The following HTR3C variants were observed in gnomAD, a reference collection of about 807,000 sequenced individuals.
The protein encoded by HTR3C is 5-hydroxytryptamine receptor 3C, also known as 5-HT3-C.
A neutral mutation model predicts 40.5 loss-of-function variants in HTR3C; 32 were observed. The ratio of observed to expected loss-of-function variants is 0.79; its 90% confidence interval spans 0.60 to 1.06. The LOEUF (loss-of-function observed/expected upper bound fraction) is 1.06, where lower values mean the gene tolerates loss of function less well. Ranked by LOEUF, HTR3C falls within the 50% of genes least tolerant of loss-of-function variation. The probability of loss-of-function intolerance (pLI) is 0.00; values close to 1 mark genes in which losing one functional copy is unlikely to be tolerated. For missense variants in HTR3C, 523 were observed against 556.8 expected (o/e 0.94, Z 0.61); for synonymous variants, 209 against 217.1 (o/e 0.96, Z 0.33).
chr3:184,054,430 A>G (rs1243769599), intron 1 of HTR3C, among the ~76,000 whole-genome samples: 2 of 152,192 alleles, frequency 1.3e-5, no homozygotes, highest in Non-Finnish European at 2.9e-5. Flanking sequence ...GACTCCTGGA[A>G]GTAGCTGCCA....
intron 3 of HTR3C, 24 bp from the exon 4 acceptor site, chr3:184,056,153 C>G: frequency 6.8e-7 from 1 of 1,475,060 alleles, no homozygotes; most frequent in South Asian, 1.1e-5. Context: ...TCACTCACCT[C>G]TGTCCCTCAC....
rs1386005666 is a variant in HTR3C, at chr3:184,056,078, G to A, written c.280-99G>A. The stretch of plus-strand genomic sequence containing the variant: ...GTGGTTATTAGGGTCACAAATGGGA[G>A]TGGGAGGATCAAGGTTTAAAGAAGA... On this transcript the variant is annotated intron_variant, in intron 3 of 8. Transcript: ENST00000318351. 6.7e-6 allele frequency: 5 copies of A among 746,432 alleles called. No individual in the cohort carries two copies. The Admixed American group carries it at 1.0e-4, about 15-fold the overall frequency. The allele number at this position is 746,432 out of a possible 1,614,324, so 46.2% of individuals were successfully genotyped here. A position where few individuals can be genotyped will look rare whatever the true frequency, so the allele number is the denominator to read the frequency against.
At position 184,055,884 on chromosome 3, in the gene HTR3C, C is replaced by CAAAAAAAAAAAAAAAAA. The variant is rs71185686; in HGVS notation, c.280-280_280-264dup. ...TCTTAGGAAGGTTGAAATAGCAACT[C>CAAAAAAAAAAAAAAAAA]AAAAAAAAAAAAAAAAAAAAAAAAA... On this transcript the variant is annotated intron_variant, in intron 3 of 8. Coordinates refer to ENST00000318351, the MANE Select transcript of HTR3C (RefSeq NM_130770.3). Among the ~76,000 whole-genome samples, 28 of 30,708 alleles carry CAAAAAAAAAAAAAAAAA rather than the reference C, an allele frequency of 9.1e-4. 9 individuals are homozygous for CAAAAAAAAAAAAAAAAA. Among genetic ancestry groups the CAAAAAAAAAAAAAAAAA allele is most frequent in the Non-Finnish European group, 1.1e-3 (19 of 17,974 alleles). The allele number at this position is 30,708 out of a possible 152,430, so 20.1% of individuals were successfully genotyped here.
intron 5 of HTR3C, 102 bp downstream of exon 5, chr3:184,057,146 G>A (rs879281335): frequency 1.6e-5 from 13 of 810,654 alleles, no homozygotes; most frequent in South Asian, 4.7e-5. Flanking sequence ...GCTCCACTCC[G>A]GTGGCCTAAC....
At chr3:184,057,367 G>A (rs988001830) in intron 5 of HTR3C, among the ~76,000 whole-genome samples, 1 of 152,174 alleles carries the variant, frequency 6.6e-6, no homozygotes, top group Non-Finnish European at 1.5e-5. Flanking sequence ...TTGAGCCAGA[G>A]AGGCTGAGGC....
rs769399057 is a variant in HTR3C, at chr3:184,058,412, C to A, written c.560-15C>A. 1.9e-6 allele frequency: 3 copies of A among 1,587,670 alleles called. No individual in the cohort carries two copies. The highest frequency in any genetic ancestry group is 1.4e-5 in the African/African-American group (1 of 73,134). On this transcript the variant is annotated splice_polypyrimidine_tract_variant and intron_variant, in intron 5 of 8. Transcript: ENST00000318351. ...GGGAAAACGTCTGCAATGAACTGAC[C>A]GGCCTCCCTTCCAGTGGACAGCATG...
chr3:184,059,988 C>G lies in HTR3C; in HGVS notation c.1086C>G (p.Pro362=), dbSNP rs575185101. 1 of 1,613,852 alleles carries G rather than the reference C, an allele frequency of 6.2e-7. No homozygotes were observed. Among genetic ancestry groups the G allele is most frequent in the Admixed American group, 1.7e-5 (1 of 60,018 alleles). ...LHCTSPGRCC[P]TAPQKGNKGL... Reference sequence around the variant, plus strand: ...GCACCAGCCCAGGGAGATGCTGTCCCACTGCGCCCCAGAAGGGAAATAAGG... The same window carrying G: ...GCACCAGCCCAGGGAGATGCTGTCCGACTGCGCCCCAGAAGGGAAATAAGG... Residue 362 remains proline, a synonymous_variant, in exon 8 of 9, where the codon CCC becomes CCG. Transcript: ENST00000318351.
chr3:184,060,242 A>G lies in HTR3C; in HGVS notation c.1234A>G (p.Met412Val), dbSNP rs773471339. 4 of 1,614,084 alleles carry G rather than the reference A, an allele frequency of 2.5e-6. No individual in the cohort carries two copies. Among genetic ancestry groups the G allele is most frequent in the Admixed American group, 1.7e-5 (1 of 59,994 alleles). The change falls in exon 9 of 9, where the codon ATG becomes GTG. Residue 412 changes from methionine (M) to valine (V), a missense_variant. By Grantham distance (21) the Met-to-Val change is conservative (BLOSUM62 1). Transcript: ENST00000318351. ...CTCAGGATGGACAAAGACCCAGCTA[A>G]TGGAGCTGTGGGTGCAGTTCAGCCA... ...GGSGWTKTQL[M>V]ELWVQFSHAM...
intron 3 of HTR3C, among the ~76,000 whole-genome samples, chr3:184,055,935 T>C (rs1044569472): frequency 7.7e-6 from 1 of 130,576 alleles, no homozygotes; most frequent in Non-Finnish European, 1.6e-5. Flanking sequence ...GGCCAATATA[T>C]TGGTGTGGTC....
intron 3 of HTR3C, among the ~76,000 whole-genome samples, chr3:184,055,812 T>C (rs57213098): frequency 2.3e-5 from 3 of 133,236 alleles, no homozygotes; most frequent in Non-Finnish European, 4.6e-5. Flanking sequence ...AAAAAATAAC[T>C]CCATGTAGAA....
At position 184,059,612 on chromosome 3, in the gene HTR3C, G is replaced by A; in HGVS notation, c.897G>A (p.Leu299=). Residue 299 remains leucine, a synonymous_variant, in exon 7 of 9, where the codon TTG becomes TTA. Transcript: ENST00000318351. The part of the protein sequence containing the change: ...YNVFLLMMND[L]LPASGTPLIS... ...TCTTCCTGCTCATGATGAATGACTT[G>A]CTCCCTGCCAGTGGCACCCCCCTCA... 1 of 1,614,058 alleles carries A rather than the reference G, an allele frequency of 6.2e-7. No homozygotes were observed. Among genetic ancestry groups the A allele is most frequent in the Non-Finnish European group, 8.5e-7 (1 of 1,180,012 alleles).
chr3:184,058,650 T>C, intron 6 of HTR3C, 63 bp downstream of exon 6: 2 of 1,551,692 alleles, frequency 1.3e-6, no homozygotes, highest in Non-Finnish European at 1.7e-6. Flanking sequence ...CCTCTTGACC[T>C]ATGGCTCTTT....
Position 184,057,002 on chromosome 3 carries a change from C to T in HTR3C, c.517C>T (p.Gln173Ter), listed in dbSNP as rs1723341577. 5 of 1,613,532 alleles carry T rather than the reference C, an allele frequency of 3.1e-6. No homozygotes were observed. In the East Asian group the frequency reaches 8.9e-5, roughly 29 times the overall value. Residue 173 changes from glutamine (Q) to a stop codon, truncating the protein, a stop_gained, in exon 5 of 9, where the codon CAA becomes TAA. Transcript: ENST00000318351. LOFTEE classifies it high-confidence loss of function. ...GGACATCTTCTACTTCCCTTTTGAC[C>T]AACAGAACTGTACCTTCACCTTCAG... is the stretch of plus-strand genomic sequence containing the variant. ...NLDIFYFPFDQQNCTFTFSSF... is the reference protein window; with the variant it reads ...NLDIFYFPFD
In HTR3C at chr3:184,056,868, C is replaced by T. The variant is rs1401675246; in HGVS notation, c.390-7C>T. On this transcript the variant is annotated splice_region_variant and splice_polypyrimidine_tract_variant and intron_variant, in intron 4 of 8. Coordinates refer to ENST00000318351, the MANE Select transcript of HTR3C (RefSeq NM_130770.3). ...GCCTCCATCTCTTCCCTCCCTTCCCCAAACAGCATGGATGTGGATCAGACG... is the reference window on the plus strand; with the variant it reads ...GCCTCCATCTCTTCCCTCCCTTCCCTAAACAGCATGGATGTGGATCAGACG... The T allele has an allele frequency of 6.3e-7, 1 of 1,589,760 alleles. No homozygotes were observed. Among genetic ancestry groups the T allele is most frequent in the Non-Finnish European group, 8.6e-7 (1 of 1,163,506 alleles).
chr3:184,060,594 C>T lies in HTR3C; in HGVS notation c.*242C>T. ...AGTCTCCCTGAGCTACCACCTAACTCCTCACTCCCTGATCAATGGAAGTCC... is the reference window on the plus strand; with the variant it reads ...AGTCTCCCTGAGCTACCACCTAACTTCTCACTCCCTGATCAATGGAAGTCC... On this transcript the variant is annotated 3_prime_UTR_variant, in exon 9 of 9. Coordinates refer to ENST00000318351, the MANE Select transcript of HTR3C (RefSeq NM_130770.3). 1.8e-6 allele frequency: 1 copy of T among 569,600 alleles called. No homozygotes were observed. The highest frequency in any genetic ancestry group is 3.1e-6 in the Non-Finnish European group (1 of 318,670). The allele number at this position is 569,600 out of a possible 1,614,324, so 35.3% of individuals were successfully genotyped here.
chr3:184,059,598 A>G lies in HTR3C; in HGVS notation c.883A>G (p.Met295Val), dbSNP rs1328367469. Residue 295 changes from methionine (M) to valine (V), a missense_variant, in exon 7 of 9, where the codon ATG (methionine) becomes GTG (valine). By Grantham distance (21) the Met-to-Val change is conservative. Coordinates refer to ENST00000318351, the MANE Select transcript of HTR3C (RefSeq NM_130770.3). ...LLLGYNVFLL[M>V]MNDLLPASGT... ...GCTGGGCTACAACGTCTTCCTGCTC[A>G]TGATGAATGACTTGCTCCCTGCCAG... is the stretch of plus-strand genomic sequence containing the variant. 6.2e-6 allele frequency: 10 copies of G among 1,614,120 alleles called. No homozygotes were observed. The highest frequency in any genetic ancestry group is 8.5e-6 in the Non-Finnish European group (10 of 1,180,018).
intron 2 of HTR3C, among the ~76,000 whole-genome samples, 169 bp from the exon 3 acceptor site, chr3:184,055,143 T>C (rs1277410914): frequency 2.0e-5 from 3 of 152,134 alleles, no homozygotes; most frequent in Non-Finnish European, 4.4e-5. Context: ...TGTATATTAA[T>C]CAAAATCAGA....
chr3:184,057,158 A>C (rs946160885), intron 5 of HTR3C, 114 bp downstream of exon 5: 2 of 708,740 alleles, frequency 2.8e-6, no homozygotes, highest in Non-Finnish European at 4.5e-6. Flanking sequence ...TGGCCTAACA[A>C]AGCTTTTTGA....
chr3:184,059,415 T>C (rs1364752111), intron 6 of HTR3C, 21 bp from the exon 7 acceptor site: 1 of 1,609,530 alleles, frequency 6.2e-7, no homozygotes, highest in South Asian at 1.1e-5. Context: ...TTATTTGCCA[T>C]CTTCTCCGGT....
Sources: allele counts gnomAD v4.1 joint callset (sites outside exome capture counted in the v4.1 genomes callset), GRCh38; gene constraint gnomAD v4.1.1; transcripts MANE v1.5; gene names NCBI Gene and HGNC (gene_info 2026-07-23, HGNC 2026-07-21).